The following LRRTM4 variants were observed in gnomAD, a reference collection of about 807,000 sequenced individuals.
The protein encoded by LRRTM4 is leucine-rich repeat transmembrane neuronal protein 4.
LRRTM4 carries 25 observed loss-of-function variants against 47.6 expected under a neutral mutation model. The ratio of observed to expected loss-of-function variants is 0.53; its 90% CI spans 0.38 to 0.73. The LOEUF is 0.73. LRRTM4 is among the 30% of genes least tolerant of loss of function. The pLI, the probability that LRRTM4 is intolerant of heterozygous loss-of-function variation, is 0.00. For synonymous variants in LRRTM4, 311 were observed against 269.5 expected, an observed-to-expected ratio of 1.15 and a Z score of -1.51; for missense variants, 638 against 713.4, an observed-to-expected ratio of 0.89 and a Z score of 1.20.
chr2:77,350,236 G>A (rs1329512673), intron 3 of LRRTM4, among the ~76,000 whole-genome samples: 1 of 143,746 alleles, frequency 7.0e-6, no homozygotes, highest in Non-Finnish European at 1.5e-5. Flanking sequence ...TGAGGCAGGA[G>A]AATGGCGTGA....
chr2:77,054,835 G>C (rs1679549636), intron 3 of LRRTM4, among the ~76,000 whole-genome samples: 1 of 152,190 alleles, frequency 6.6e-6, no homozygotes, highest in Non-Finnish European at 1.5e-5. Flanking sequence ...AGGCATCAGT[G>C]ACTGGAAAAA....
chr2:77,091,978 A>G (rs1670657853), intron 3 of LRRTM4, among the ~76,000 whole-genome samples: 1 of 151,176 alleles, frequency 6.6e-6, no homozygotes, highest in Non-Finnish European at 1.5e-5. Context: ...CTTTCTGTCC[A>G]AACAACTTGA....
At chr2:77,338,739 C>A (rs1671256186) in intron 3 of LRRTM4, among the ~76,000 whole-genome samples, 1 of 151,964 alleles carries the variant, frequency 6.6e-6, no homozygotes, top group Non-Finnish European at 1.5e-5. Flanking sequence ...CTCAGCAATC[C>A]CATTGCTAAG....
At chr2:77,318,006 T>A (rs1677666245) in intron 3 of LRRTM4, among the ~76,000 whole-genome samples, 3 of 143,288 alleles carry the variant, frequency 2.1e-5, no homozygotes, top group South Asian at 4.6e-4. Flanking sequence ...AACACTTTTT[T>A]TTTTTTTTTT....
intron 3 of LRRTM4, among the ~76,000 whole-genome samples, chr2:77,399,590 C>G (rs1673857152): frequency 6.6e-6 from 1 of 150,870 alleles, no homozygotes; most frequent in Non-Finnish European, 1.5e-5. Flanking sequence ...CAATGTGGAT[C>G]TTTAGTAACT....
At chr2:77,166,755 G>A (rs1672898181) in intron 3 of LRRTM4, among the ~76,000 whole-genome samples, 2 of 152,156 alleles carry the variant, frequency 1.3e-5, no homozygotes, top group Admixed American at 1.3e-4. Context: ...CTAGCCATAT[G>A]TAGAAAGCTG....
At chr2:77,354,929 T>C (rs4263129) in intron 3 of LRRTM4, among the ~76,000 whole-genome samples, 3,354 of 136,108 alleles carry the variant, frequency 0.025, 50 homozygotes, top group South Asian at 0.037. Context: ...GTTTCCTCAA[T>C]TGGCTTACAC....
chr2:76,955,256 T>C (rs537688657), intron 3 of LRRTM4, among the ~76,000 whole-genome samples: 41 of 151,762 alleles, frequency 2.7e-4, no homozygotes, highest in African/African-American at 8.7e-4. Flanking sequence ...AGTATAAAAA[T>C]AACTACAACG....
intron 3 of LRRTM4, among the ~76,000 whole-genome samples, chr2:77,472,243 G>A (rs1195504876): frequency 6.6e-6 from 1 of 152,162 alleles, no homozygotes; most frequent in Non-Finnish European, 1.5e-5. Flanking sequence ...AAATATGTGT[G>A]TTAGGTGATC....
At chr2:77,506,937 T>C (rs938701767) in intron 3 of LRRTM4, among the ~76,000 whole-genome samples, 1 of 152,070 alleles carries the variant, frequency 6.6e-6, no homozygotes, top group African/African-American at 2.4e-5. Flanking sequence ...ATCATATACA[T>C]ACAGTTTCTA....
intron 3 of LRRTM4, among the ~76,000 whole-genome samples, chr2:77,221,451 C>G (rs1264645538): frequency 6.6e-6 from 1 of 152,150 alleles, no homozygotes; most frequent in Admixed American, 6.5e-5. Context: ...GTGCTGTATT[C>G]AGGAAACCCA....
At chr2:76,799,551 A>G (rs1413097486) in intron 3 of LRRTM4, among the ~76,000 whole-genome samples, 2 of 143,418 alleles carry the variant, frequency 1.4e-5, no homozygotes, top group South Asian at 4.5e-4. Context: ...CAAGACAGGG[A>G]TGCCCTCTCT....
At chr2:77,443,299 A>G (rs1342442678) in intron 3 of LRRTM4, among the ~76,000 whole-genome samples, 2 of 152,164 alleles carry the variant, frequency 1.3e-5, no homozygotes, top group Admixed American at 1.3e-4. Context: ...AATGAGTCAC[A>G]GGGATTGGAA....
rs149803234 is a variant in LRRTM4 at position 76,836,096 on chromosome 2, G to A, written c.1552-87180C>T. Among the ~76,000 whole-genome samples the A allele has an allele frequency of 5.2e-4, 78 of 150,866 alleles. 1 individual carries two copies. The East Asian group carries it at 0.01, about 20-fold the overall frequency. On this transcript the variant is annotated intron_variant, in intron 3 of 3. Transcript: ENST00000409884. The stretch of plus-strand genomic sequence containing the variant: ...CAGAATACCAATGACTCTCTTCCTT[G>A]CCCAGGTTTTCTAAGGTGTATTTGA...
chr2:77,442,247 T>C (rs1315084149), intron 3 of LRRTM4, among the ~76,000 whole-genome samples: 2 of 152,168 alleles, frequency 1.3e-5, no homozygotes, highest in Non-Finnish European at 2.9e-5. Context: ...TAAATGAATG[T>C]AAAAATATTA....
chr2:76,965,470 T>G (rs1260573087), intron 3 of LRRTM4, among the ~76,000 whole-genome samples: 1 of 151,356 alleles, frequency 6.6e-6, no homozygotes, highest in East Asian at 1.9e-4. Flanking sequence ...TTAATTGATA[T>G]CTTTGATGAG....
chr2:77,403,511 A>T (rs556579004), intron 3 of LRRTM4, among the ~76,000 whole-genome samples: 1 of 151,932 alleles, frequency 6.6e-6, no homozygotes, highest in South Asian at 2.1e-4. Context: ...AAATATATAT[A>T]ATATGTATAT....
At chr2:77,009,561 A>G (rs1039878371) in intron 3 of LRRTM4, 1 of 152,124 alleles carries the variant, frequency 6.6e-6, no homozygotes, top group African/African-American at 2.4e-5. Context: ...ACACTTGCTG[A>G]TAAGACTGTA....
chr2:77,468,412 G>T (rs1268179871), intron 3 of LRRTM4, among the ~76,000 whole-genome samples: 1 of 152,114 alleles, frequency 6.6e-6, no homozygotes, highest in African/African-American at 2.4e-5. Context: ...AGACAAGAAT[G>T]GGCAAAATAA....
Sources: allele counts gnomAD v4.1 joint callset (sites outside exome capture counted in the v4.1 genomes callset), GRCh38; gene constraint gnomAD v4.1.1; transcripts MANE v1.5; gene names NCBI Gene and HGNC (gene_info 2026-07-23, HGNC 2026-07-21).